Variants in C1QL2 observed in about 807,000 individuals in gnomAD.
The protein encoded by C1QL2 is complement C1q-like protein 2.
C1QL2 carries 13 observed loss-of-function variants against 16.6 expected under a neutral mutation model. That is an observed-to-expected ratio of 0.78 (90% CI 0.51 to 1.25). The LOEUF (loss-of-function observed/expected upper bound fraction) is 1.25. Ranked by LOEUF, C1QL2 falls within the 50% of genes most tolerant of loss-of-function variation. The pLI is 0.00. For missense variants in C1QL2, 396 were observed against 409.6 expected, an observed-to-expected ratio of 0.97 and a Z score of 0.29; for synonymous variants, 210 against 183.2, an observed-to-expected ratio of 1.15 and a Z score of -1.18.
intron 1 of C1QL2, 67 bp from the exon 2 acceptor site, chr2:119,157,048 C>A: frequency 6.4e-7 from 1 of 1,562,046 alleles, no homozygotes; most frequent in African/African-American, 1.4e-5. Flanking sequence ...CAGCCCACAC[C>A]AGGCGCGCCA....
chr2:119,156,952 G>A lies in C1QL2; in HGVS notation c.714C>T (p.Ala238=). 3.1e-6 allele frequency: 5 copies of A among 1,613,984 alleles called. No homozygotes were observed. Among genetic ancestry groups the A allele is most frequent in the Non-Finnish European group, 4.2e-6 (5 of 1,179,924 alleles). Residue 238 remains alanine (A), a synonymous_variant, in exon 2 of 2, where the codon GCC becomes GCT. Transcript: ENST00000272520. ...QVRASAIAQD[A]DQNYDYASNS... ...TACTGGCGTAGTCGTAGTTCTGGTC[G>A]GCGTCCTGTGCAATGGCGCTGGCCC... is the stretch of plus-strand genomic sequence containing the variant.
At position 119,157,985 on chromosome 2, in the gene C1QL2, C is replaced by A; in HGVS notation, c.285G>T (p.Glu95Asp). 1 of 1,521,750 alleles carries A rather than the reference C, an allele frequency of 6.6e-7. No individual in the cohort carries two copies. The highest frequency in any genetic ancestry group is 8.8e-7 in the Non-Finnish European group (1 of 1,136,930). The allele number at this position is 1,521,750 out of a possible 1,614,324, so 94.3% of individuals were successfully genotyped here. The change falls in exon 1 of 2, where the codon GAG (glutamate) becomes GAT (aspartate). Residue 95 changes from glutamate (E) to aspartate (D), a missense_variant. Coordinates refer to ENST00000272520, the MANE Select transcript of C1QL2 (RefSeq NM_182528.4). ...GGCCCCTGGGTCCAGGCGGGCCCGG[C>A]TCTCCAGGGGGCCCCCGCGGCCCTG... ...GKPGPRGPPG[E>D]PGPPGPRGPP...
In C1QL2 at chr2:119,158,127, T is replaced by G; in HGVS notation, c.143A>C (p.Lys48Thr). The G allele has an allele frequency of 6.5e-7, 1 of 1,547,962 alleles. No individual in the cohort carries two copies. The highest frequency in any genetic ancestry group is 8.7e-7 in the Non-Finnish European group (1 of 1,149,062). Residue 48 changes from lysine to threonine, a missense_variant, in exon 1 of 2, where the codon AAG becomes ACG. Physicochemically the swap from Lys to Thr is moderately conservative, Grantham distance 78 (BLOSUM62 -1). This residue lies in a region of C1QL2 where 353 missense variants were observed against 334.8 expected (regional missense o/e 1.05). Coordinates refer to ENST00000272520, the MANE Select transcript of C1QL2 (RefSeq NM_182528.4). ...AAPGGEPPGA[K>T]AQPPGPSTAA... ...GGTGCTGGGTCCGGGTGGCTGCGCC[T>G]TTGCACCCGGGGGCTCCCCGCCGGG...
chr2:119,157,921 G>A lies in C1QL2; in HGVS notation c.349C>T (p.Pro117Ser). 6.4e-7 allele frequency: 1 copy of A among 1,551,678 alleles called. No homozygotes were observed. The highest frequency in any genetic ancestry group is 8.7e-7 in the Non-Finnish European group (1 of 1,147,640). ...GTGCCCGCCGTCAGTTGCAGCCCTG[G>A]CAGCCCGGGCCGCCCCGAGTCGCCC... ...EKGDSGRPGL[P>S]GLQLTAGTAS... is the part of the protein sequence containing the mutation. Residue 117 changes from proline (P) to serine (S), a missense_variant, in exon 1 of 2, where the codon CCA (proline) becomes TCA (serine). Pro to Ser is a moderately conservative substitution (Grantham distance 74). This residue lies in a region of C1QL2 where 353 missense variants were observed against 334.8 expected (regional missense o/e 1.05). Coordinates refer to ENST00000272520, the MANE Select transcript of C1QL2 (RefSeq NM_182528.4).
At chr2:119,157,452 T>A (rs1677980422) in intron 1 of C1QL2, 134 bp downstream of exon 1, 1 of 1,105,798 alleles carries the variant, frequency 9.0e-7, no homozygotes, top group Admixed American at 2.3e-5. Flanking sequence ...GCGGAGATAC[T>A]GTGGCACCGA....
Position 119,156,682 on chromosome 2 carries a change from T to C in C1QL2, c.*120A>G. 3 of 1,193,056 alleles carry C rather than the reference T, an allele frequency of 2.5e-6. No homozygotes were observed. The highest frequency in any genetic ancestry group is 3.5e-6 in the Non-Finnish European group (3 of 868,266). The allele number at this position is 1,193,056 out of a possible 1,614,324, so 73.9% of individuals were successfully genotyped here. ...GCGGGGCAGGGAGGACGCAGGGATT[T>C]GTCTTTTCCAAAGGAGATGTCAGGA... is the stretch of plus-strand genomic sequence containing the variant. On this transcript the variant is annotated 3_prime_UTR_variant, in exon 2 of 2. Transcript: ENST00000272520.
Position 119,157,692 on chromosome 2 carries a change from C to T in C1QL2, c.578G>A (p.Gly193Asp), listed in dbSNP as rs755929881. The T allele has an allele frequency of 8.1e-6, 13 of 1,614,016 alleles. No homozygotes were observed. The highest frequency in any genetic ancestry group is 1.1e-5 in the Non-Finnish European group (13 of 1,180,000). ...GCCGCGTACCTGGCAGCTGAACTTG[C>T]CCGTGGTGGGGTCATAGTGATTGCC... is the stretch of plus-strand genomic sequence containing the variant. ...NLGNHYDPTTGKFSCQVRGIY... is the reference protein window; with the variant it reads ...NLGNHYDPTTDKFSCQVRGIY... The change falls in exon 1 of 2, where the codon GGC (glycine) becomes GAC (aspartate). Residue 193 changes from glycine to aspartate, a missense_variant. By Grantham distance (94) the Gly-to-Asp change is moderately conservative. This residue lies in a region of C1QL2 where 353 missense variants were observed against 334.8 expected (regional missense o/e 1.05). Transcript: ENST00000272520.
chr2:119,156,780 C>A lies in C1QL2; in HGVS notation c.*22G>T. 6.2e-7 allele frequency: 1 copy of A among 1,605,874 alleles called. No homozygotes were observed. The highest frequency in any genetic ancestry group is 8.5e-7 in the Non-Finnish European group (1 of 1,175,400). Reference sequence around the variant, plus strand: ...GGAGACCGGGCGGCCTGCAGCCACCCCGCCTCGCACCCCCCGCGCCCCTAA... The same window carrying A: ...GGAGACCGGGCGGCCTGCAGCCACCACGCCTCGCACCCCCCGCGCCCCTAA... On this transcript the variant is annotated 3_prime_UTR_variant, in exon 2 of 2. Transcript: ENST00000272520.
Position 119,157,672 on chromosome 2 carries a change from G to C in C1QL2, c.598C>G (p.Arg200Gly). The change falls in exon 1 of 2, where the codon CGC (arginine) becomes GGC (glycine). Residue 200 changes from arginine (R) to glycine (G), a missense_variant. Arg to Gly is a moderately radical substitution (Grantham distance 125). Transcript: ENST00000272520. The stretch of plus-strand genomic sequence containing the variant: ...TGGTAGGTGAAGAAGTAGATGCCGC[G>C]TACCTGGCAGCTGAACTTGCCCGTG... Reference protein sequence around the residue: ...PTTGKFSCQVRGIYFFTYHIL... With the variant: ...PTTGKFSCQVGGIYFFTYHIL... The C allele has an allele frequency of 3.1e-6, 5 of 1,614,100 alleles. No individual in the cohort carries two copies. Among genetic ancestry groups the C allele is most frequent in the Non-Finnish European group, 4.2e-6 (5 of 1,179,988 alleles).
At chr2:119,157,553 T>C in intron 1 of C1QL2, 33 bp downstream of exon 1, 1 of 1,469,938 alleles carries the variant, frequency 6.8e-7, no homozygotes, top group Non-Finnish European at 9.0e-7. Flanking sequence ...GGGCGAGGGT[T>C]TACGGGGGCC....
intron 1 of C1QL2, 43 bp downstream of exon 1, chr2:119,157,542 CG>C: frequency 6.7e-7 from 1 of 1,493,514 alleles, no homozygotes; most frequent in Non-Finnish European, 8.9e-7. Flanking sequence ...GTTCAGGGCG[CG>C]GGCGAGGGTT....
In C1QL2 at chr2:119,157,709, G is replaced by C. The variant is rs1677985908; in HGVS notation, c.561C>G (p.His187Gln). 2 of 1,614,184 alleles carry C rather than the reference G, an allele frequency of 1.2e-6. No homozygotes were observed. The highest frequency in any genetic ancestry group is 4.5e-5 in the East Asian group (2 of 44,870). Residue 187 changes from histidine to glutamine, a missense_variant, in exon 1 of 2, where the codon CAC becomes CAG. Around this residue, in one of 2 missense-constraint regions of C1QL2, gnomAD observed 353 missense variants for 334.8 expected, o/e 1.05. Transcript: ENST00000272520. ...TGAACTTGCCCGTGGTGGGGTCATA[G>C]TGATTGCCGAGGTTGGTGACCACGT... The part of the protein sequence containing the change: ...FDDVVTNLGN[H>Q]YDPTTGKFSC...
Position 119,158,109 on chromosome 2 carries a change from G to A in C1QL2, c.161C>T (p.Pro54Leu), listed in dbSNP as rs1371318730. 11 of 1,535,214 alleles carry A rather than the reference G, an allele frequency of 7.2e-6. No homozygotes were observed. The highest frequency in any genetic ancestry group is 9.6e-6 in the Non-Finnish European group (11 of 1,142,276). The change falls in exon 1 of 2, where the codon CCC (proline) becomes CTC (leucine). Residue 54 changes from proline (P) to leucine (L), a missense_variant. Coordinates refer to ENST00000272520, the MANE Select transcript of C1QL2 (RefSeq NM_182528.4). ...PPGAKAQPPG[P>L]STAALEVMQD... is the part of the protein sequence containing the mutation. ...CATGACTTCCAGGGCGGCGGTGCTGGGTCCGGGTGGCTGCGCCTTTGCACC... is the reference window on the plus strand; with the variant it reads ...CATGACTTCCAGGGCGGCGGTGCTGAGTCCGGGTGGCTGCGCCTTTGCACC...
Position 119,158,018 on chromosome 2 carries a change from C to G in C1QL2, c.252G>C (p.Pro84=), listed in dbSNP as rs370204561. ...GGGGCCCCCGCGGCCCTGGCTTGCC[C>G]GGTCGCCCCGGGTCGCCCTTGGGTC... The part of the protein sequence containing the change: ...IQGPKGDPGR[P]GKPGPRGPPG... The change falls in exon 1 of 2, where the codon CCG becomes CCC. Residue 84 remains proline (P), a synonymous_variant. Transcript: ENST00000272520. The G allele has an allele frequency of 6.5e-6, 10 of 1,527,020 alleles. No homozygotes were observed. The highest frequency in any genetic ancestry group is 2.6e-5 in the East Asian group (1 of 38,568). The allele number at this position is 1,527,020 out of a possible 1,614,324, so 94.6% of individuals were successfully genotyped here. A position where few individuals can be genotyped will look rare whatever the true frequency, so the allele number is the denominator to read the frequency against.
Position 119,158,048 on chromosome 2 carries a change from G to T in C1QL2, c.222C>A (p.Ile74=), listed in dbSNP as rs895095336. ...GCCCCGGGTCGCCCTTGGGTCCCTGGATGAAAGGAGGAGGAGGGTTGGCGC... is the reference window on the plus strand; with the variant it reads ...GCCCCGGGTCGCCCTTGGGTCCCTGTATGAAAGGAGGAGGAGGGTTGGCGC... ...DLSANPPPPF[I]QGPKGDPGRP... Residue 74 remains isoleucine, a synonymous_variant, in exon 1 of 2, where the codon ATC becomes ATA. Transcript: ENST00000272520. 3.6e-5 allele frequency: 55 copies of T among 1,530,830 alleles called. No homozygotes were observed. Among genetic ancestry groups the T allele is most frequent in the Non-Finnish European group, 4.8e-5 (55 of 1,139,088 alleles). The allele number at this position is 1,530,830 out of a possible 1,614,324, so 94.8% of individuals were successfully genotyped here.
Position 119,157,698 on chromosome 2 carries a change from G to A in C1QL2, c.572C>T (p.Thr191Ile). The A allele has an allele frequency of 3.7e-6, 6 of 1,614,194 alleles. No homozygotes were observed. The highest frequency in any genetic ancestry group is 5.1e-6 in the Non-Finnish European group (6 of 1,180,010). Reference protein sequence around the residue: ...VTNLGNHYDPTTGKFSCQVRG... With the variant: ...VTNLGNHYDPITGKFSCQVRG... ...TACCTGGCAGCTGAACTTGCCCGTGGTGGGGTCATAGTGATTGCCGAGGTT... is the reference window on the plus strand; with the variant it reads ...TACCTGGCAGCTGAACTTGCCCGTGATGGGGTCATAGTGATTGCCGAGGTT... The change falls in exon 1 of 2, where the codon ACC becomes ATC. Residue 191 changes from threonine to isoleucine, a missense_variant. Transcript: ENST00000272520.
chr2:119,157,213 C>G (rs763255974), intron 1 of C1QL2, among the ~76,000 whole-genome samples: 6 of 152,290 alleles, frequency 3.9e-5, no homozygotes, highest in Middle Eastern at 3.4e-3. Flanking sequence ...AACACTGACC[C>G]AGAGTGGAAG....
rs1678009714 is a variant in C1QL2, at chr2:119,158,693, C to G, written c.-424G>C. On this transcript the variant is annotated 5_prime_UTR_variant, in exon 1 of 2. Coordinates refer to ENST00000272520, the MANE Select transcript of C1QL2 (RefSeq NM_182528.4). ...CGCTGCCTCCCGCCAGGCTCCGCTC[C>G]GCTGGGTTTAGTGGGGCTCCTAGCG... 6.5e-6 allele frequency: 1 copy of G among 152,740 alleles called. No individual in the cohort carries two copies. Among genetic ancestry groups the G allele is most frequent in the African/African-American group, 2.4e-5 (1 of 41,386 alleles). 9.5% of individuals were successfully genotyped at this position (152,740 alleles called of 1,614,324 possible).
At position 119,157,811 on chromosome 2, in the gene C1QL2, G is replaced by T; in HGVS notation, c.459C>A (p.Thr153=). Residue 153 remains threonine, a synonymous_variant, in exon 1 of 2, where the codon ACC becomes ACA. Transcript: ENST00000272520. The stretch of plus-strand genomic sequence containing the variant: ...AGAAGGCGATCTTGGGGCCGCTGAA[G>T]GTGGCGCTCAGCGCACTGGTCACTT... The part of the protein sequence containing the change: ...EGEVTSALSA[T]FSGPKIAFYV... 1 of 1,598,692 alleles carries T rather than the reference G, an allele frequency of 6.3e-7. No homozygotes were observed. The highest frequency in any genetic ancestry group is 8.5e-7 in the Non-Finnish European group (1 of 1,172,490).
Sources: allele counts gnomAD v4.1 joint callset (sites outside exome capture counted in the v4.1 genomes callset), GRCh38; gene constraint gnomAD v4.1.1; regional missense constraint gnomAD v4.1.1; transcripts MANE v1.5; gene names NCBI Gene and HGNC (gene_info 2026-07-23, HGNC 2026-07-21).